The following USH2A variants were observed in gnomAD, a reference collection of about 807,000 sequenced individuals.
USH2A encodes usherin.
A neutral mutation model predicts 538.9 loss-of-function variants in USH2A; 443 were observed. The ratio of observed to expected loss-of-function variants is 0.82; its 90% CI spans 0.76 to 0.89. The LOEUF (loss-of-function observed/expected upper bound fraction) is 0.89. USH2A is among the 40% of genes least tolerant of loss of function. The pLI, the probability that USH2A is intolerant of heterozygous loss-of-function variation, is 0.00. For synonymous variants in USH2A, 2,413 were observed against 2,273.5 expected (o/e 1.06, Z -1.75); for missense variants, 6,633 against 6,324.8 (o/e 1.05, Z -1.65).
In USH2A at chr1:215,630,211, T is replaced by C. The variant is rs144467375; in HGVS notation, c.15298-1176A>G. ...TACCTCAAAGTGCATGGTGTAACTT[T>C]TTAGGGTGACATTGCTTGACACATC... On this transcript the variant is annotated intron_variant, in intron 70 of 71. Transcript: ENST00000307340. The C allele has an allele frequency of 6.2e-4, 291 of 468,978 alleles. No homozygotes were observed. The highest frequency in any genetic ancestry group is 9.6e-4 in the Non-Finnish European group (223 of 232,742). The allele number at this position is 468,978 out of a possible 1,614,324, so 29.1% of individuals were successfully genotyped here.
At chr1:216,011,254 T>G (rs1020185486) in intron 32 of USH2A, among the ~76,000 whole-genome samples, 1 of 152,128 alleles carries the variant, frequency 6.6e-6, no homozygotes, top group Non-Finnish European at 1.5e-5. Flanking sequence ...ATCTCAAATA[T>G]GCTTTCTTTA....
At chr1:216,349,084 C>T (rs571960975) in intron 4 of USH2A, among the ~76,000 whole-genome samples, 7 of 152,070 alleles carry the variant, frequency 4.6e-5, no homozygotes, top group Admixed American at 3.3e-4. Flanking sequence ...ATAAGCTTAC[C>T]GAATGTTTTC....
chr1:216,359,310 A>G (rs962695558), intron 4 of USH2A, among the ~76,000 whole-genome samples: 1 of 152,084 alleles, frequency 6.6e-6, no homozygotes, highest in African/African-American at 2.4e-5. Flanking sequence ...AAGAGTTTAA[A>G]AATAGTTACC....
chr1:215,945,659 T>C (rs979937905), intron 37 of USH2A, among the ~76,000 whole-genome samples: 9 of 152,170 alleles, frequency 5.9e-5, no homozygotes, highest in Admixed American at 2.0e-4. Context: ...GGGGCTTCCA[T>C]TGTCAGTATA....
At position 216,222,652 on chromosome 1, in the gene USH2A, G is replaced by A. The variant is rs75225196; in HGVS notation, c.2994-5102C>T. On this transcript the variant is annotated intron_variant, in intron 14 of 71. Transcript: ENST00000307340. ...CAGAGGTCCAAGGAAACACTGCTCT[G>A]CTGGCTTTGAAAATGAAGGAAGGAG... Among the ~76,000 whole-genome samples the A allele has an allele frequency of 7.9e-3, 1,201 of 152,254 alleles. 10 individuals are homozygous for A. Among genetic ancestry groups the A allele is most frequent in the Non-Finnish European group, 0.013 (861 of 68,024 alleles).
At chr1:216,419,233 T>A (rs1188928176) in intron 2 of USH2A, among the ~76,000 whole-genome samples, 2 of 152,098 alleles carry the variant, frequency 1.3e-5, no homozygotes, top group African/African-American at 4.8e-5. Flanking sequence ...CCAAAGCCAG[T>A]GTCTGTAAGA....
chr1:215,816,137 G>T (rs913209432), intron 48 of USH2A, among the ~76,000 whole-genome samples: 3 of 151,972 alleles, frequency 2.0e-5, no homozygotes, highest in African/African-American at 7.2e-5. Context: ...TTTCTTCTCA[G>T]AAATCCCAAA....
In USH2A at chr1:215,830,677, C is replaced by T. The variant is rs76164082; in HGVS notation, c.9371+7314G>A. On this transcript the variant is annotated intron_variant, in intron 47 of 71. Coordinates refer to ENST00000307340, the MANE Select transcript of USH2A (RefSeq NM_206933.4). Reference sequence around the variant, plus strand: ...AACGAACGCAAGTCCTGACTCAACTCCAAGCTGCACATTTATGGTTGCCTC... The same window carrying T: ...AACGAACGCAAGTCCTGACTCAACTTCAAGCTGCACATTTATGGTTGCCTC... 5.4e-3 allele frequency among the ~76,000 whole-genome samples: 818 copies of T among 152,290 alleles called. 6 individuals carry two copies. Among genetic ancestry groups the T allele is most frequent in the African/African-American group, 0.018 (757 of 41,562 alleles).
At chr1:216,231,275 A>G (rs1159996416) in intron 14 of USH2A, among the ~76,000 whole-genome samples, 2 of 121,280 alleles carry the variant, frequency 1.6e-5, no homozygotes, top group Non-Finnish European at 3.4e-5. Flanking sequence ...TATATATAAT[A>G]TATATACACA....
At chr1:215,874,336 CAG>C (rs1558138611) in intron 43 of USH2A, among the ~76,000 whole-genome samples, 1 of 152,144 alleles carries the variant, frequency 6.6e-6, no homozygotes, top group Non-Finnish European at 1.5e-5. Flanking sequence ...TCTACACAGG[CAG>C]AGCAAAATTC....
At chr1:215,881,890 AC>A (rs1266045986) in intron 41 of USH2A, among the ~76,000 whole-genome samples, 1 of 152,178 alleles carries the variant, frequency 6.6e-6, no homozygotes, top group Non-Finnish European at 1.5e-5. Flanking sequence ...TGTTTAAGGA[AC>A]GATTGACTTT....
chr1:216,328,684 T>C (rs1001735203), intron 4 of USH2A, among the ~76,000 whole-genome samples: 2 of 151,950 alleles, frequency 1.3e-5, no homozygotes, highest in Non-Finnish European at 2.9e-5. Context: ...AGTGAGGATA[T>C]GGCTGATAAA....
intron 40 of USH2A, among the ~76,000 whole-genome samples, chr1:215,899,066 C>A (rs911873954): frequency 2.6e-5 from 4 of 152,022 alleles, no homozygotes; most frequent in Non-Finnish European, 5.9e-5. Flanking sequence ...CAACTTTAAA[C>A]AAGATAGATT....
chr1:216,262,545 T>C (rs2036394129), intron 11 of USH2A, among the ~76,000 whole-genome samples: 1 of 151,678 alleles, frequency 6.6e-6, no homozygotes, highest in Non-Finnish European at 1.5e-5. Flanking sequence ...GAAAACAGAA[T>C]AAGAAAGAAT....
At chr1:215,644,284 CCA>C (rs1656779332) in intron 67 of USH2A, among the ~76,000 whole-genome samples, 2 of 152,022 alleles carry the variant, frequency 1.3e-5, no homozygotes, top group Non-Finnish European at 2.9e-5. Context: ...TGGGGCCTGT[CCA>C]ATGTAAGCTG....
intron 21 of USH2A, among the ~76,000 whole-genome samples, chr1:216,142,322 T>C (rs542110312): frequency 2.4e-4 from 36 of 152,322 alleles, no homozygotes; most frequent in African/African-American, 8.4e-4. Context: ...GCTGAGTTTA[T>C]TTCACAATTG....
intron 30 of USH2A, among the ~76,000 whole-genome samples, chr1:216,053,911 G>A (rs1334834912): frequency 6.6e-6 from 1 of 152,114 alleles, no homozygotes; most frequent in South Asian, 2.1e-4. Flanking sequence ...TTGATTTAAG[G>A]GAAGGAAACT....
chr1:215,907,587 T>G (rs1665672948), intron 38 of USH2A, among the ~76,000 whole-genome samples: 1 of 152,052 alleles, frequency 6.6e-6, no homozygotes, highest in Non-Finnish European at 1.5e-5. Flanking sequence ...CAAGTGATGC[T>G]GCTGAAACTT....
intron 58 of USH2A, 44 bp from the exon 59 acceptor site, chr1:215,743,379 T>TA (rs1660362687): frequency 2.3e-6 from 1 of 440,168 alleles, no homozygotes; most frequent in Non-Finnish European, 3.6e-6. Flanking sequence ...AACATATATA[T>TA]ATATATATGT....
Sources: allele counts gnomAD v4.1 joint callset (sites outside exome capture counted in the v4.1 genomes callset), GRCh38; gene constraint gnomAD v4.1.1; transcripts MANE v1.5; gene names NCBI Gene and HGNC (gene_info 2026-07-23, HGNC 2026-07-21).